Variants in ENGASE observed in about 807,000 individuals in gnomAD.
ENGASE encodes cytosolic endo-beta-N-acetylglucosaminidase.
In ENGASE, 69 loss-of-function variants were observed where a neutral mutation model predicts 78.5. The observed-to-expected ratio is 0.88, with a 90% CI of 0.72 to 1.07. The LOEUF (loss-of-function observed/expected upper bound fraction) is 1.07. Ranked by LOEUF, ENGASE falls within the 50% of genes least tolerant of loss-of-function variation. The pLI is 0.00. For synonymous variants in ENGASE, 408 were observed against 408.9 expected (o/e 1.00, Z 0.03); for missense variants, 943 against 988.4 (o/e 0.95, Z 0.62).
rs1568092389 is a variant in ENGASE, at chr17:79,083,632, G to A, written c.1251+42G>A. On this transcript the variant is annotated intron_variant, in intron 9 of 13. Transcript: ENST00000579016. The surrounding 1 kb of genome is among the most constrained non-coding windows in gnomAD (Gnocchi z 4.9). ...CCTCCGTGTCTGTCCTCTGGCCTCA[G>A]CTGGGACAGGTGGGAGGAGCCTGGG... 6.3e-7 allele frequency: 1 copy of A among 1,588,820 alleles called. No individual in the cohort carries two copies. The highest frequency in any genetic ancestry group is 8.6e-7 in the Non-Finnish European group (1 of 1,157,906).
intron 1 of ENGASE, chr17:79,075,706 G>A (rs2072952979): frequency 1.0e-6 from 1 of 985,356 alleles, no homozygotes; most frequent in Non-Finnish European, 1.2e-6. Context: ...GAAGTTAGGA[G>A]CACAGACATG....
intron 6 of ENGASE, 49 bp from the exon 7 acceptor site, chr17:79,081,849 C>G (rs776070069): frequency 6.4e-7 from 1 of 1,567,808 alleles, no homozygotes; most frequent in Non-Finnish European, 8.6e-7. Context: ...TGGGGGTGGC[C>G]CCATCCTTCT....
chr17:79,079,386 T>G, intron 3 of ENGASE, 103 bp from the exon 4 acceptor site: 1 of 1,379,022 alleles, frequency 7.3e-7, no homozygotes, highest in South Asian at 1.4e-5. Context: ...CAGGCTGGTC[T>G]TAAACTCCTG....
chr17:79,084,106 G>A, intron 10 of ENGASE, 155 bp downstream of exon 10: 1 of 658,178 alleles, frequency 1.5e-6, no homozygotes, highest in Non-Finnish European at 2.6e-6. Context: ...GCATTAACGT[G>A]AAATTCACCA....
rs750909430 is a variant in ENGASE at position 79,086,400 on chromosome 17, C to T, written c.*51C>T. ...CTGGCCTCGGGCTGAGGCCTCTTCC[C>T]GGCTGTCTGCCCCTGGCCTGCGCTG... is the stretch of plus-strand genomic sequence containing the variant. On this transcript the variant is annotated 3_prime_UTR_variant, in exon 14 of 14. Coordinates refer to ENST00000579016, the MANE Select transcript of ENGASE (RefSeq NM_001042573.3). 33 of 1,561,742 alleles carry T rather than the reference C, an allele frequency of 2.1e-5. 1 individual carries two copies. Among genetic ancestry groups the T allele is most frequent in the East Asian group, 1.1e-4 (5 of 44,210 alleles).
At chr17:79,081,687 T>A (rs1421614533) in intron 6 of ENGASE, among the ~76,000 whole-genome samples, 5 of 145,392 alleles carry the variant, frequency 3.4e-5, no homozygotes, top group African/African-American at 1.3e-4. Flanking sequence ...AAGGCTGAGA[T>A]TGTGCAGGTG....
At chr17:79,084,479 C>T in intron 10 of ENGASE, 59 bp from the exon 11 acceptor site, 1 of 1,469,332 alleles carries the variant, frequency 6.8e-7, no homozygotes, top group Non-Finnish European at 9.0e-7. Flanking sequence ...CGATTTGGAG[C>T]TGGCTTCGAT....
chr17:79,075,536 T>A (rs1469047300), intron 1 of ENGASE, among the ~76,000 whole-genome samples: 1 of 152,124 alleles, frequency 6.6e-6, no homozygotes, highest in Admixed American at 6.5e-5. Context: ...AAGCCTTCAG[T>A]AGGTGGAGAA....
chr17:79,075,724 G>C (rs1370904590), intron 1 of ENGASE: 1 of 985,348 alleles, frequency 1.0e-6, no homozygotes, highest in Non-Finnish European at 1.2e-6. Context: ...ATGGCTTCCG[G>C]AAACAGCAGC....
Position 79,083,328 on chromosome 17 carries a change from C to A in ENGASE, c.1143-154C>A. On this transcript the variant is annotated intron_variant, in intron 8 of 13. Coordinates refer to ENST00000579016, the MANE Select transcript of ENGASE (RefSeq NM_001042573.3). The surrounding 1 kb of genome is among the most constrained non-coding windows in gnomAD (Gnocchi z 4.9). The stretch of plus-strand genomic sequence containing the variant: ...GCCGCTTCCTGCAGACTCGTGTTTG[C>A]AGCGTATCTGTAGACGGGGAGGCTG... The A allele has an allele frequency of 1.4e-6, 1 of 700,914 alleles. No homozygotes were observed. The highest frequency in any genetic ancestry group is 2.4e-6 in the Non-Finnish European group (1 of 415,286). The allele number at this position is 700,914 out of a possible 1,614,324, so 43.4% of individuals were successfully genotyped here.
In ENGASE at chr17:79,087,503, T is replaced by C. The variant is rs1276168890; in HGVS notation, c.*1154T>C. On this transcript the variant is annotated 3_prime_UTR_variant, in exon 14 of 14. Transcript: ENST00000579016. ...GGGCTGCCTGGGAGGCTTCCTGGTG[T>C]GGTGTCTGGACCCCACGGCCTTGGG... is the stretch of plus-strand genomic sequence containing the variant. 2 of 173,126 alleles carry C rather than the reference T, an allele frequency of 1.2e-5. No individual in the cohort carries two copies. The highest frequency in any genetic ancestry group is 1.3e-4 in the South Asian group (1 of 7,932). The allele number at this position is 173,126 out of a possible 1,614,324, so 10.7% of individuals were successfully genotyped here. A position where few individuals can be genotyped will look rare whatever the true frequency, so the allele number is the denominator to read the frequency against.
Position 79,079,482 on chromosome 17 carries a change from T to C in ENGASE, c.417-7T>C. The C allele has an allele frequency of 6.2e-7, 1 of 1,611,674 alleles. No individual in the cohort carries two copies. Among genetic ancestry groups the C allele is most frequent in the Non-Finnish European group, 8.5e-7 (1 of 1,179,482 alleles). On this transcript the variant is annotated splice_polypyrimidine_tract_variant and splice_region_variant and intron_variant, in intron 3 of 13. Transcript: ENST00000579016. ...CGTGGCCAGCCCTGTTCTGTTTCTT[T>C]CCCCAGGTTCATTCAGGGCTCGGTG...
Position 79,085,328 on chromosome 17 carries a change from G to C in ENGASE, c.1686G>C (p.Gly562=). ...GCCGCTGCGGCCGGCAGCTGAGTGGGGGCTGGGTCCAGCAGTAAGTCCCTC... is the reference window on the plus strand; with the variant it reads ...GCCGCTGCGGCCGGCAGCTGAGTGGCGGCTGGGTCCAGCAGTAAGTCCCTC... ...WVGRCGRQLS[G]GWVQHCYEVS... Residue 562 remains glycine, a synonymous_variant, in exon 12 of 14, where the codon GGG becomes GGC. Coordinates refer to ENST00000579016, the MANE Select transcript of ENGASE (RefSeq NM_001042573.3). 1 of 1,611,226 alleles carries C rather than the reference G, an allele frequency of 6.2e-7. No homozygotes were observed. The highest frequency in any genetic ancestry group is 8.5e-7 in the Non-Finnish European group (1 of 1,179,000).
rs781528598 is a variant in ENGASE at position 79,083,495 on chromosome 17, C to G, written c.1156C>G (p.Leu386Val). 12 of 1,613,966 alleles carry G rather than the reference C, an allele frequency of 7.4e-6. No homozygotes were observed. Among genetic ancestry groups the G allele is most frequent in the Non-Finnish European group, 5.9e-6 (7 of 1,179,934 alleles). ...TGTCTCTGGCAGGTTCTGGGGCCGA[C>G]TGGAGCGTTATCTGCCCACACATAG... ...FQNQDKFWGRLERYLPTHSIC... is the reference protein window; with the variant it reads ...FQNQDKFWGRVERYLPTHSIC... Residue 386 changes from leucine to valine, a missense_variant, in exon 9 of 14, where the codon CTG becomes GTG. Physicochemically the swap from Leu to Val is conservative, Grantham distance 32. Transcript: ENST00000579016. The surrounding 1 kb of genome is among the most constrained non-coding windows in gnomAD (Gnocchi z 4.9).
chr17:79,077,310 T>C, intron 1 of ENGASE, 120 bp from the exon 2 acceptor site: 1 of 881,144 alleles, frequency 1.1e-6, no homozygotes, highest in Non-Finnish European at 1.7e-6. Flanking sequence ...ATAGTTAATA[T>C]TAAACAACAT....
In ENGASE at chr17:79,082,052, G is replaced by A. The variant is rs757483206; in HGVS notation, c.1027G>A (p.Asp343Asn). 55 of 1,614,092 alleles carry A rather than the reference G, an allele frequency of 3.4e-5. No homozygotes were observed. The East Asian group carries it at 6.7e-4, about 20-fold the overall frequency. Residue 343 changes from aspartate (D) to asparagine (N), a missense_variant, in exon 7 of 14, where the codon GAC (aspartate) becomes AAC (asparagine). By Grantham distance (23) the Asp-to-Asn change is conservative. Coordinates refer to ENST00000579016, the MANE Select transcript of ENGASE (RefSeq NM_001042573.3). ...AGGGAACGTGGTCGGAGGCCGATTC[G>A]ACACAGACAAGGTGGGTGGTGGCTT... ...ARGNVVGGRF[D>N]TDKSLELIRK... is the part of the protein sequence containing the mutation.
intron 13 of ENGASE, 56 bp downstream of exon 13, chr17:79,085,790 G>A: frequency 6.2e-7 from 1 of 1,604,268 alleles, no homozygotes; most frequent in Non-Finnish European, 8.5e-7. Context: ...GCTGGAGTGG[G>A]GGTGGAGGCC....
At position 79,087,132 on chromosome 17, in the gene ENGASE, C is replaced by T; in HGVS notation, c.*783C>T. On this transcript the variant is annotated 3_prime_UTR_variant, in exon 14 of 14. Transcript: ENST00000579016. ...TCTGCGCTGTGGCCCTGCCTCTGCC[C>T]AGCGAGAGGCCGTGGGCTCTGGACA... 4.5e-6 allele frequency: 2 copies of T among 444,872 alleles called. No homozygotes were observed. The highest frequency in any genetic ancestry group is 4.6e-6 in the Non-Finnish European group (1 of 218,418). 27.6% of individuals were successfully genotyped at this position (444,872 alleles called of 1,614,324 possible). A position where few individuals can be genotyped will look rare whatever the true frequency, so the allele number is the denominator to read the frequency against.
chr17:79,078,255 G>A (rs1337298241), intron 3 of ENGASE, among the ~76,000 whole-genome samples: 1 of 152,124 alleles, frequency 6.6e-6, no homozygotes, highest in East Asian at 1.9e-4. Flanking sequence ...CAGGAGAATC[G>A]CTTGAACCAG....
Sources: gnomAD v4.1 joint callset for allele counts (sites outside exome capture counted in the v4.1 genomes callset) on GRCh38, gnomAD v4.1.1 for gene constraint, Gnocchi (gnomAD v3.1) non-coding constraint, MANE v1.5 for transcripts, NCBI Gene and HGNC (gene_info 2026-07-23, HGNC 2026-07-21) for gene names.